The following MXD1 variants were observed in gnomAD, a reference collection of about 807,000 sequenced individuals.
MXD1 encodes the protein MAX dimerization protein 1, also known as MAX-binding protein.
In MXD1, 9 loss-of-function variants were observed where a neutral mutation model predicts 25.7. The ratio of observed to expected loss-of-function variants is 0.35; its 90% CI spans 0.21 to 0.61. MXD1 has a LOEUF of 0.61. Among genes scored for constraint, MXD1 ranks in the 20% least tolerant of loss-of-function variants. The pLI, the probability that MXD1 is intolerant of heterozygous loss-of-function variation, is 0.75. For missense variants in MXD1, 227 were observed against 292.4 expected (o/e 0.78, Z 1.63); for synonymous variants, 99 against 113.9 (o/e 0.87, Z 0.83).
Position 69,941,737 on chromosome 2 carries a change from T to C in MXD1, c.*3453T>C, listed in dbSNP as rs1285136938. On this transcript the variant is annotated 3_prime_UTR_variant, in exon 6 of 6. Coordinates refer to ENST00000264444, the MANE Select transcript of MXD1 (RefSeq NM_002357.4). ...AGAAAAAAGTGTAAACTAGGTAGGA[T>C]TGTGATGCTCAAAATAACCATCTAG... 1 of 152,148 alleles carries C rather than the reference T, an allele frequency of 6.6e-6. No individual in the cohort carries two copies. The highest frequency in any genetic ancestry group is 2.1e-4 in the South Asian group (1 of 4,832). The allele number at this position is 152,148 out of a possible 1,614,324, so 9.4% of individuals were successfully genotyped here.
chr2:69,927,811 C>T (rs1007674390), intron 3 of MXD1, among the ~76,000 whole-genome samples: 4 of 152,192 alleles, frequency 2.6e-5, no homozygotes, highest in Non-Finnish European at 5.9e-5. Flanking sequence ...ATATTACTAT[C>T]TTTGTATTTT....
intron 3 of MXD1, among the ~76,000 whole-genome samples, chr2:69,934,597 C>G (rs1264128957): frequency 6.6e-6 from 1 of 152,200 alleles, no homozygotes; most frequent in African/African-American, 2.4e-5. Context: ...CCTGCCCAGC[C>G]AGTTTCTTAT....
rs144573629 is a variant in MXD1 at position 69,919,680 on chromosome 2, C to T, written c.174-2056C>T. Among the ~76,000 whole-genome samples, 504 of 152,010 alleles carry T rather than the reference C, an allele frequency of 3.3e-3. 12 individuals carry two copies. In the South Asian group the frequency reaches 0.072, roughly 22 times the overall value. On this transcript the variant is annotated intron_variant, in intron 2 of 5. Coordinates refer to ENST00000264444, the MANE Select transcript of MXD1 (RefSeq NM_002357.4). Reference sequence around the variant, plus strand: ...TCTGTCAGGCTTTGAACTTACTAGTCCCGGTTAAAGTTAAAATGCCACGTG... The same window carrying T: ...TCTGTCAGGCTTTGAACTTACTAGTTCCGGTTAAAGTTAAAATGCCACGTG...
chr2:69,922,837 G>T (rs1342183279), intron 3 of MXD1, among the ~76,000 whole-genome samples: 3 of 145,848 alleles, frequency 2.1e-5, no homozygotes. Context: ...CCGAGATCCC[G>T]CCACTGCACT....
chr2:69,922,172 G>C (rs140560497), intron 3 of MXD1, among the ~76,000 whole-genome samples: 58 of 152,266 alleles, frequency 3.8e-4, no homozygotes, highest in African/African-American at 1.4e-3. Context: ...TAACACATGT[G>C]TATTAACGTG....
chr2:69,929,768 T>A (rs894439476), intron 3 of MXD1, among the ~76,000 whole-genome samples: 1 of 152,252 alleles, frequency 6.6e-6, no homozygotes, highest in Non-Finnish European at 1.5e-5. Flanking sequence ...TAATCCATTC[T>A]TTCCCTAAGG....
intron 3 of MXD1, among the ~76,000 whole-genome samples, chr2:69,932,664 A>G (rs1245536377): frequency 6.6e-6 from 1 of 152,212 alleles, no homozygotes. Context: ...GGAAACCCAC[A>G]TTTGGGTAGT....
At chr2:69,925,430 G>A (rs1573403583) in intron 3 of MXD1, among the ~76,000 whole-genome samples, 1 of 152,126 alleles carries the variant, frequency 6.6e-6, no homozygotes, top group East Asian at 1.9e-4. Context: ...TGAAAATATA[G>A]TTTTGTGTAG....
chr2:69,933,858 T>C (rs989041810), intron 3 of MXD1, among the ~76,000 whole-genome samples: 14 of 152,224 alleles, frequency 9.2e-5, no homozygotes, highest in African/African-American at 3.4e-4. Flanking sequence ...CTATAAGGCA[T>C]TGCATTGTTT....
intron 3 of MXD1, among the ~76,000 whole-genome samples, chr2:69,933,170 G>C (rs374268289): frequency 1.6e-5 from 2 of 127,362 alleles, no homozygotes; most frequent in Non-Finnish European, 3.1e-5. Context: ...CTGTACTCCA[G>C]CCTGGGCGAC....
At chr2:69,936,953 A>T in intron 4 of MXD1, 1 of 555,358 alleles carries the variant, frequency 1.8e-6, no homozygotes, top group Admixed American at 2.2e-5. Context: ...AGTCTTTCTG[A>T]TACTAAAACT....
At position 69,928,818 on chromosome 2, in the gene MXD1, C is replaced by G. The variant is rs1399704403; in HGVS notation, c.204-6533C>G. Among the ~76,000 whole-genome samples the G allele has an allele frequency of 2.6e-5, 4 of 152,128 alleles. No individual in the cohort carries two copies. The East Asian group carries it at 7.7e-4, about 29-fold the overall frequency. On this transcript the variant is annotated intron_variant, in intron 3 of 5. Transcript: ENST00000264444. ...CTGTGATGGCACCACTACACTCCAG[C>G]CTGGTTGACAATGCAGACAAAAAAA...
intron 2 of MXD1, among the ~76,000 whole-genome samples, chr2:69,919,564 C>T (rs934281631): frequency 2.6e-5 from 4 of 151,972 alleles, no homozygotes; most frequent in African/African-American, 4.8e-5. Context: ...AGGCTGGTCT[C>T]GAACTCCTGA....
At chr2:69,918,179 G>A (rs1676995865) in intron 2 of MXD1, among the ~76,000 whole-genome samples, 1 of 152,210 alleles carries the variant, frequency 6.6e-6, no homozygotes. Context: ...ATTTTGAACT[G>A]AGGTAAAGGA....
At chr2:69,916,783 G>C (rs1240748398) in intron 2 of MXD1, among the ~76,000 whole-genome samples, 1 of 152,210 alleles carries the variant, frequency 6.6e-6, no homozygotes, top group East Asian at 1.9e-4. Context: ...TTTAGTGATA[G>C]AGGAATATAT....
At position 69,942,291 on chromosome 2, in the gene MXD1, G is replaced by C. The variant is rs1677625767; in HGVS notation, c.*4007G>C. On this transcript the variant is annotated 3_prime_UTR_variant, in exon 6 of 6. Transcript: ENST00000264444. ...CATTCTACATCCTCTGATCTCTATA[G>C]ACTGTAGGATGCTTTGCTTTCAAAG... The C allele has an allele frequency of 6.6e-6, 1 of 152,140 alleles. No individual in the cohort carries two copies. The highest frequency in any genetic ancestry group is 2.1e-4 in the South Asian group (1 of 4,824). 9.4% of individuals were successfully genotyped at this position (152,140 alleles called of 1,614,324 possible).
At chr2:69,936,841 G>A (rs917833642) in intron 4 of MXD1, among the ~76,000 whole-genome samples, 1 of 152,170 alleles carries the variant, frequency 6.6e-6, no homozygotes, top group Non-Finnish European at 1.5e-5. Context: ...AAATGGAAGC[G>A]TGTTTCTTAA....
At position 69,938,453 on chromosome 2, in the gene MXD1, G is replaced by C. The variant is rs1255243512; in HGVS notation, c.*169G>C. The C allele has an allele frequency of 4.6e-5, 29 of 633,876 alleles. No homozygotes were observed. The highest frequency in any genetic ancestry group is 7.3e-5 in the Non-Finnish European group (27 of 370,790). 39.3% of individuals were successfully genotyped at this position (633,876 alleles called of 1,614,324 possible). A position where few individuals can be genotyped will look rare whatever the true frequency, so the allele number is the denominator to read the frequency against. On this transcript the variant is annotated 3_prime_UTR_variant, in exon 6 of 6. Coordinates refer to ENST00000264444, the MANE Select transcript of MXD1 (RefSeq NM_002357.4). ...GAGGTGCTTAGGATTGTGGGTTTCT[G>C]ATTGCATCCACTAGCTTCTCTTTTT...
At chr2:69,931,387 G>A (rs1284978412) in intron 3 of MXD1, among the ~76,000 whole-genome samples, 1 of 151,468 alleles carries the variant, frequency 6.6e-6, no homozygotes, top group East Asian at 1.9e-4. Flanking sequence ...GAGTTCAATT[G>A]TTTTGATTTT....
Sources: allele counts gnomAD v4.1 joint callset (sites outside exome capture counted in the v4.1 genomes callset), GRCh38; gene constraint gnomAD v4.1.1; transcripts MANE v1.5; gene names NCBI Gene and HGNC (gene_info 2026-07-23, HGNC 2026-07-21).